NSMCE2: variants seen among roughly 807,000 people sequenced by gnomAD.
NSMCE2 encodes E3 SUMO-protein ligase NSE2.
Under a neutral mutation model 23.8 loss-of-function variants are expected in NSMCE2, and 24 were observed. The observed-to-expected ratio is 1.01, with a 90% confidence interval of 0.73 to 1.42. The LOEUF is 1.42. NSMCE2 is among the 40% of genes most tolerant of loss of function. NSMCE2 has a pLI of 0.00. For missense variants in NSMCE2, 284 were observed against 296.5 expected (o/e 0.96, Z 0.31); for synonymous variants, 92 against 94.1 (o/e 0.98, Z 0.13).
At chr8:125,187,977 A>T (rs1444449074) in intron 5 of NSMCE2, among the ~76,000 whole-genome samples, 1 of 152,184 alleles carries the variant, frequency 6.6e-6, no homozygotes, top group Non-Finnish European at 1.5e-5. Flanking sequence ...TGGTATGGAG[A>T]TAATTGCAGC....
intron 3 of NSMCE2, among the ~76,000 whole-genome samples, chr8:125,131,730 C>A (rs1310697626): frequency 1.3e-5 from 2 of 152,120 alleles, no homozygotes; most frequent in African/African-American, 4.8e-5. Context: ...TTTAAAAATG[C>A]AAAATTGGAG....
At chr8:125,184,088 A>G (rs1294629552) in intron 5 of NSMCE2, among the ~76,000 whole-genome samples, 1 of 152,118 alleles carries the variant, frequency 6.6e-6, no homozygotes, top group Admixed American at 6.6e-5. Flanking sequence ...ATTTTATTTG[A>G]CTATTTGGAG....
intron 5 of NSMCE2, among the ~76,000 whole-genome samples, chr8:125,299,892 C>T (rs183979123): frequency 9.0e-5 from 12 of 133,984 alleles, no homozygotes; most frequent in Admixed American, 2.6e-4. Context: ...AATCTCGGCT[C>T]GCTGCAGCCT....
intron 4 of NSMCE2, among the ~76,000 whole-genome samples, chr8:125,168,381 AG>A (rs1362249050): frequency 1.3e-5 from 2 of 152,238 alleles, no homozygotes; most frequent in African/African-American, 4.8e-5. Context: ...CTTTTCTGCC[AG>A]TTGCCCTTTC....
chr8:125,195,870 C>G (rs1224632270), intron 5 of NSMCE2, among the ~76,000 whole-genome samples: 1 of 147,500 alleles, frequency 6.8e-6, no homozygotes, highest in Non-Finnish European at 1.5e-5. Flanking sequence ...CATTCTTTTT[C>G]CTGAATAACT....
At chr8:125,313,310 A>C (rs1829051853) in intron 5 of NSMCE2, among the ~76,000 whole-genome samples, 1 of 152,162 alleles carries the variant, frequency 6.6e-6, no homozygotes, top group Admixed American at 6.5e-5. Context: ...ACAGGGGGAG[A>C]GTGGTGAGAT....
intron 5 of NSMCE2, among the ~76,000 whole-genome samples, chr8:125,319,484 A>G (rs909308380): frequency 3.3e-5 from 5 of 152,226 alleles, no homozygotes; most frequent in African/African-American, 1.2e-4. Context: ...GAAAACTATA[A>G]GAAAGATTGC....
intron 4 of NSMCE2, among the ~76,000 whole-genome samples, chr8:125,154,612 A>G (rs1821213518): frequency 6.6e-6 from 1 of 152,164 alleles, no homozygotes; most frequent in Non-Finnish European, 1.5e-5. Flanking sequence ...AGTCATTTAT[A>G]AAAACTTTCA....
intron 5 of NSMCE2, chr8:125,182,477 G>C: frequency 1.8e-6 from 1 of 560,630 alleles, no homozygotes; most frequent in Middle Eastern, 4.6e-4. Flanking sequence ...AAAGTGCTCA[G>C]AAAATTTCCC....
chr8:125,261,220 C>T (rs17402478), intron 5 of NSMCE2, among the ~76,000 whole-genome samples: 3 of 152,136 alleles, frequency 2.0e-5, no homozygotes, highest in Admixed American at 6.6e-5. Flanking sequence ...ATGCTGGATA[C>T]TATGGGAGCA....
intron 5 of NSMCE2, among the ~76,000 whole-genome samples, chr8:125,250,600 T>G (rs929378572): frequency 9.2e-5 from 14 of 152,178 alleles, no homozygotes; most frequent in Admixed American, 7.9e-4. Flanking sequence ...CATCCAATTC[T>G]TATTTATTTG....
intron 5 of NSMCE2, among the ~76,000 whole-genome samples, chr8:125,319,727 T>A: frequency 6.6e-6 from 1 of 151,728 alleles, no homozygotes; most frequent in East Asian, 1.9e-4. Flanking sequence ...AAAAAAAGAA[T>A]CTTAAAAAAA....
chr8:125,181,096 T>C (rs1291533552), intron 4 of NSMCE2, among the ~76,000 whole-genome samples: 1 of 152,132 alleles, frequency 6.6e-6, no homozygotes, highest in East Asian at 1.9e-4. Flanking sequence ...GGAGCGATTA[T>C]GAAGGCCTGA....
chr8:125,350,484 C>T (rs936275696), intron 5 of NSMCE2, among the ~76,000 whole-genome samples: 5 of 152,070 alleles, frequency 3.3e-5, no homozygotes, highest in South Asian at 2.1e-4. Flanking sequence ...AGAGAGGTTG[C>T]GTATTAATCC....
chr8:125,231,529 C>T (rs1206720603), intron 5 of NSMCE2, among the ~76,000 whole-genome samples: 2 of 152,174 alleles, frequency 1.3e-5, no homozygotes, highest in Admixed American at 1.3e-4. Context: ...TGTGTTACAA[C>T]AGAACTCTGG....
chr8:125,236,168 G>A (rs1380797927), intron 5 of NSMCE2, among the ~76,000 whole-genome samples: 1 of 152,194 alleles, frequency 6.6e-6, no homozygotes, highest in Non-Finnish European at 1.5e-5. Flanking sequence ...TGCGCTTAAC[G>A]TAGAATTCAG....
At chr8:125,331,078 G>A (rs1829857756) in intron 5 of NSMCE2, among the ~76,000 whole-genome samples, 1 of 152,162 alleles carries the variant, frequency 6.6e-6, no homozygotes, top group Non-Finnish European at 1.5e-5. Flanking sequence ...GAGGCAGGCG[G>A]ATCACGAGGT....
intron 5 of NSMCE2, among the ~76,000 whole-genome samples, chr8:125,239,184 A>G (rs1825669139): frequency 6.6e-6 from 1 of 152,212 alleles, no homozygotes; most frequent in Non-Finnish European, 1.5e-5. Context: ...ACTTTATGGT[A>G]ATGGAAGTTA....
At chr8:125,133,612 G>A (rs1819885214) in intron 3 of NSMCE2, among the ~76,000 whole-genome samples, 2 of 151,560 alleles carry the variant, frequency 1.3e-5, no homozygotes, top group Admixed American at 1.3e-4. Flanking sequence ...ATGGTGGCTC[G>A]CACCTGTAAT....
Sources: allele counts gnomAD v4.1 joint callset (sites outside exome capture counted in the v4.1 genomes callset), GRCh38; gene constraint gnomAD v4.1.1; transcripts MANE v1.5; gene names NCBI Gene and HGNC (gene_info 2026-07-23, HGNC 2026-07-21).